ADAMTS17: variants seen among roughly 807,000 people sequenced by gnomAD.
ADAMTS17 encodes A disintegrin and metalloproteinase with thrombospondin motifs 17.
A neutral mutation model predicts 141.5 loss-of-function variants in ADAMTS17; 113 were observed. That is an observed-to-expected ratio of 0.80 (90% CI 0.69 to 0.93). ADAMTS17 has a LOEUF of 0.93. ADAMTS17 is among the 40% of genes least tolerant of loss of function. ADAMTS17 has a pLI of 0.00. For missense variants in ADAMTS17, 1,659 were observed against 1,517.9 expected (o/e 1.09, Z -1.54); for synonymous variants, 768 against 630.6 (o/e 1.22, Z -3.27).
chr15:100,036,258 A>T (rs1393227979), intron 18 of ADAMTS17, among the ~76,000 whole-genome samples: 2 of 152,258 alleles, frequency 1.3e-5, no homozygotes, highest in African/African-American at 4.8e-5. Context: ...GGCCTGCCGA[A>T]GGGCAACGGA....
chr15:100,007,799 T>A (rs2061066867), intron 18 of ADAMTS17, among the ~76,000 whole-genome samples: 1 of 151,412 alleles, frequency 6.6e-6, no homozygotes, highest in Non-Finnish European at 1.5e-5. Flanking sequence ...TGGGGTGCGG[T>A]CAGGTTGGAG....
chr15:100,153,745 T>C lies in ADAMTS17; in HGVS notation c.1323-983A>G, dbSNP rs186021215. On this transcript the variant is annotated intron_variant, in intron 9 of 21. Transcript: ENST00000268070. ...TTATTTCTCAATTTCTAAAGGCAGA[T>C]GGTTTAAGGCAGAAAACCCAGTCAC... 1.3e-3 allele frequency among the ~76,000 whole-genome samples: 204 copies of C among 152,310 alleles called. 1 individual carries two copies. Among genetic ancestry groups the C allele is most frequent in the African/African-American group, 4.5e-3 (187 of 41,576 alleles).
chr15:100,209,652 C>T (rs1395793656), intron 7 of ADAMTS17, among the ~76,000 whole-genome samples: 2 of 150,528 alleles, frequency 1.3e-5, no homozygotes, highest in African/African-American at 2.4e-5. Context: ...AGCCACACCA[C>T]GAAGTCAAGT....
intron 2 of ADAMTS17, among the ~76,000 whole-genome samples, chr15:100,337,203 T>G (rs1040565682): frequency 4.6e-5 from 7 of 152,200 alleles, no homozygotes; most frequent in Admixed American, 1.3e-4. Flanking sequence ...TGGACTACAC[T>G]TGCTCCCCTA....
chr15:100,121,143 A>G (rs1364983541), intron 12 of ADAMTS17, among the ~76,000 whole-genome samples: 1 of 152,222 alleles, frequency 6.6e-6, no homozygotes, highest in Non-Finnish European at 1.5e-5. Flanking sequence ...TGAATATAGG[A>G]CAATTGAAAT....
At chr15:100,314,231 AAT>A (rs1322922386) in intron 3 of ADAMTS17, among the ~76,000 whole-genome samples, 1 of 152,268 alleles carries the variant, frequency 6.6e-6, no homozygotes, top group African/African-American at 2.4e-5. Flanking sequence ...AGCTAAATGC[AAT>A]ATGTGAGTCT....
At chr15:100,209,698 G>C (rs186886873) in intron 7 of ADAMTS17, among the ~76,000 whole-genome samples, 1 of 152,044 alleles carries the variant, frequency 6.6e-6, no homozygotes, top group Non-Finnish European at 1.5e-5. Flanking sequence ...CAGGTGACTC[G>C]TGGCAGAATC....
At chr15:100,212,909 T>G (rs2041855264) in intron 7 of ADAMTS17, among the ~76,000 whole-genome samples, 1 of 152,082 alleles carries the variant, frequency 6.6e-6, no homozygotes, top group Non-Finnish European at 1.5e-5. Context: ...CGCGTACCTT[T>G]TTGTCAATCA....
At chr15:100,143,887 T>A (rs892505558) in intron 10 of ADAMTS17, among the ~76,000 whole-genome samples, 1 of 152,178 alleles carries the variant, frequency 6.6e-6, no homozygotes, top group Admixed American at 6.5e-5. Flanking sequence ...TTAAATTGAT[T>A]GGTCTTAAAA....
chr15:100,150,570 G>A (rs192684505), intron 10 of ADAMTS17, among the ~76,000 whole-genome samples: 4 of 152,310 alleles, frequency 2.6e-5, no homozygotes, highest in Admixed American at 2.0e-4. Context: ...CAGTACAAGT[G>A]CCTTCCTCCC....
In ADAMTS17 at chr15:100,158,011, C is replaced by G. The variant is rs955972109; in HGVS notation, c.1182-2691G>C. Among the ~76,000 whole-genome samples, 3 of 152,204 alleles carry G rather than the reference C, an allele frequency of 2.0e-5. No homozygotes were observed. In the East Asian group the frequency reaches 5.8e-4, roughly 29 times the overall value. ...TCAAGCTATTCTCCTGCCTCAGCCT[C>G]CCGAATAGCTGGGACTAGAGGCACG... On this transcript the variant is annotated intron_variant, in intron 8 of 21. Transcript: ENST00000268070.
At chr15:100,205,196 C>T (rs72755252) in intron 7 of ADAMTS17, among the ~76,000 whole-genome samples, 2,746 of 152,180 alleles carry the variant, frequency 0.018, 32 homozygotes, top group African/African-American at 0.031. Context: ...GAGAATCACA[C>T]GAGTCCCCAC....
At chr15:100,071,315 AAGG>A (rs2033954915) in intron 15 of ADAMTS17, among the ~76,000 whole-genome samples, 1 of 150,088 alleles carries the variant, frequency 6.7e-6, no homozygotes, top group Non-Finnish European at 1.5e-5. Flanking sequence ...CCAGAGGTAC[AAGG>A]AGGAGCTGGT....
intron 17 of ADAMTS17, among the ~76,000 whole-genome samples, chr15:100,050,856 C>G (rs1249285016): frequency 6.6e-6 from 1 of 152,202 alleles, no homozygotes; most frequent in Non-Finnish European, 1.5e-5. Context: ...GGGTGACAAA[C>G]AGCACTGTAC....
chr15:100,281,124 A>T lies in ADAMTS17; in HGVS notation c.789+105T>A. On this transcript the variant is annotated intron_variant, in intron 4 of 21. Transcript: ENST00000268070. ...GGCTATGTTCCCGTATCCCCAACCCAGCGTCTTCCTCACTTGAGGAGATGA... is the reference window on the plus strand; with the variant it reads ...GGCTATGTTCCCGTATCCCCAACCCTGCGTCTTCCTCACTTGAGGAGATGA... The T allele has an allele frequency of 2.7e-6, 4 of 1,495,808 alleles. No homozygotes were observed. In the African/African-American group the frequency reaches 5.5e-5, roughly 21 times the overall value. The allele number at this position is 1,495,808 out of a possible 1,614,324, so 92.7% of individuals were successfully genotyped here.
At chr15:100,119,719 G>C (rs960898714) in intron 12 of ADAMTS17, among the ~76,000 whole-genome samples, 23 of 152,342 alleles carry the variant, frequency 1.5e-4, no homozygotes, top group African/African-American at 5.3e-4. Context: ...CACGTGCCTT[G>C]GCACACCTCC....
intron 13 of ADAMTS17, among the ~76,000 whole-genome samples, chr15:100,109,467 T>C (rs566731118): frequency 2.1e-5 from 3 of 144,668 alleles, no homozygotes; most frequent in Admixed American, 1.5e-4. Context: ...GGAGCCACTC[T>C]TATAGCGAGG....
rs770216256 is a variant in ADAMTS17, at chr15:100,262,410, C to G, written c.815G>C (p.Ser272Thr). The G allele has an allele frequency of 2.5e-6, 4 of 1,613,724 alleles. No individual in the cohort carries two copies. The highest frequency in any genetic ancestry group is 1.1e-5 in the South Asian group (1 of 91,044). Residue 272 changes from serine (S) to threonine (T), a missense_variant, in exon 5 of 22, where the codon AGC becomes ACC. Ser to Thr is a moderately conservative substitution (Grantham distance 58). Transcript: ENST00000268070. ...TTGAATGTTAATTTTAATCCCCAGG[C>G]TCTGGTGCTGAAACATATTGTATAC... ...NMVYNMFQHQ[S>T]LGIKINIQVT...
At chr15:100,225,715 G>T (rs55853318) in intron 7 of ADAMTS17, among the ~76,000 whole-genome samples, 116 of 136,562 alleles carry the variant, frequency 8.5e-4, no homozygotes, top group South Asian at 1.7e-3. Flanking sequence ...TCAGTCCTTA[G>T]AGCAGTCATG....
Sources: allele counts gnomAD v4.1 joint callset (sites outside exome capture counted in the v4.1 genomes callset), GRCh38; gene constraint gnomAD v4.1.1; transcripts MANE v1.5; gene names NCBI Gene and HGNC (gene_info 2026-07-23, HGNC 2026-07-21).